The following TSC22D1 variants were observed in gnomAD, a reference collection of about 807,000 sequenced individuals.
TSC22D1 encodes the protein TSC22 domain family member 1, also known as TSC22 domain family protein 1.
In TSC22D1, 9 loss-of-function variants were observed where a neutral mutation model predicts 74.2. The ratio of observed to expected loss-of-function variants is 0.12; its 90% CI spans 0.07 to 0.21. TSC22D1 has a LOEUF of 0.21. Ranked by LOEUF, TSC22D1 falls within the 10% of genes least tolerant of loss-of-function variation. The pLI is 1.00. For missense variants in TSC22D1, 1,427 were observed against 1,304.7 expected (o/e 1.09, Z -1.44); for synonymous variants, 586 against 492.5 (o/e 1.19, Z -2.51).
In TSC22D1 at chr13:44,575,026, C is replaced by A; in HGVS notation, c.1049G>T (p.Ser350Ile). Residue 350 changes from serine (S) to isoleucine (I), a missense_variant, in exon 1 of 3, where the codon AGT (serine) becomes ATT (isoleucine). Ser to Ile is a moderately radical substitution (Grantham distance 142). Coordinates refer to ENST00000458659, the MANE Select transcript of TSC22D1 (RefSeq NM_183422.4). ...TSNIPSAAGV[S>I]VGPGVTSGVN... ...ACCACTGGTAACTCCAGGCCCAACACTCACACCAGCAGCACTAGGAATATT... is the reference window on the plus strand; with the variant it reads ...ACCACTGGTAACTCCAGGCCCAACAATCACACCAGCAGCACTAGGAATATT... 1 of 1,614,146 alleles carries A rather than the reference C, an allele frequency of 6.2e-7. No individual in the cohort carries two copies. The highest frequency in any genetic ancestry group is 8.5e-7 in the Non-Finnish European group (1 of 1,180,026).
At chr13:44,451,809 C>T (rs1286372780) in intron 1 of TSC22D1, among the ~76,000 whole-genome samples, 1 of 152,190 alleles carries the variant, frequency 6.6e-6, no homozygotes, top group Non-Finnish European at 1.5e-5. Context: ...ATAGGGGGCA[C>T]AGCCCCTTAC....
At chr13:44,558,731 C>T (rs1447267585) in intron 1 of TSC22D1, among the ~76,000 whole-genome samples, 1 of 152,126 alleles carries the variant, frequency 6.6e-6, no homozygotes, top group Admixed American at 6.5e-5. Flanking sequence ...CAGAGCAAGA[C>T]TCCATCTCAA....
intron 1 of TSC22D1, among the ~76,000 whole-genome samples, chr13:44,526,089 G>A (rs182800967): frequency 4.3e-4 from 66 of 152,188 alleles, no homozygotes; most frequent in East Asian, 1.9e-4. Flanking sequence ...ATAACAGAGT[G>A]AGACCCTGTC....
In TSC22D1 at chr13:44,574,544, C is replaced by G; in HGVS notation, c.1531G>C (p.Ala511Pro). The G allele has an allele frequency of 1.9e-6, 3 of 1,613,968 alleles. No homozygotes were observed. Among genetic ancestry groups the G allele is most frequent in the South Asian group, 2.2e-5 (2 of 91,086 alleles). ...TGTTGGAGGGTCACACCTTGGAGAG[C>G]TGGTTGTTGCTGTTGTTGTTGTTGT... ...QQQQQQQQQP[A>P]LQGVTLQQMD... Residue 511 changes from alanine (A) to proline (P), a missense_variant, in exon 1 of 3, where the codon GCT becomes CCT. Around this residue, in one of 3 missense-constraint regions of TSC22D1, gnomAD observed 1,343 missense variants for 1,191.5 expected, o/e 1.13. Transcript: ENST00000458659.
At chr13:44,484,882 C>T (rs1878354361) in intron 1 of TSC22D1, among the ~76,000 whole-genome samples, 1 of 152,186 alleles carries the variant, frequency 6.6e-6, no homozygotes, top group African/African-American at 2.4e-5. Context: ...AATACATGAG[C>T]ATCTGTGTTT....
At chr13:44,570,026 A>C (rs1300173702) in intron 1 of TSC22D1, among the ~76,000 whole-genome samples, 2 of 152,174 alleles carry the variant, frequency 1.3e-5, no homozygotes, top group East Asian at 3.8e-4. Flanking sequence ...CTTTAAAGAG[A>C]ACATCTGAGC....
At chr13:44,513,723 T>G (rs1234701852) in intron 1 of TSC22D1, among the ~76,000 whole-genome samples, 1 of 152,168 alleles carries the variant, frequency 6.6e-6, no homozygotes, top group Non-Finnish European at 1.5e-5. Flanking sequence ...CCAACTACAG[T>G]CACCATAAGC....
At chr13:44,484,350 A>G (rs1878331959) in intron 1 of TSC22D1, among the ~76,000 whole-genome samples, 1 of 152,192 alleles carries the variant, frequency 6.6e-6, no homozygotes, top group Admixed American at 6.5e-5. Flanking sequence ...GGCTATGAAG[A>G]ATATACTAAT....
intron 1 of TSC22D1, among the ~76,000 whole-genome samples, chr13:44,540,962 C>T (rs1881433618): frequency 6.6e-6 from 1 of 152,150 alleles, no homozygotes; most frequent in African/African-American, 2.4e-5. Context: ...GCTGCGTATC[C>T]TTGTTCTACG....
chr13:44,528,098 A>G (rs1169833639), intron 1 of TSC22D1, among the ~76,000 whole-genome samples: 1 of 152,088 alleles, frequency 6.6e-6, no homozygotes, highest in African/African-American at 2.4e-5. Flanking sequence ...TATCATAGTT[A>G]AAGACTTAAA....
In TSC22D1 at chr13:44,573,650, C is replaced by G; in HGVS notation, c.2425G>C (p.Val809Leu). ...VPPQPQGVEPVAQGIVSQQLP... is the reference protein window; with the variant it reads ...VPPQPQGVEPLAQGIVSQQLP... ...TGCTGTGAAACAATTCCTTGAGCTA[C>G]TGGTTCTACTCCTTGTGGCTGGGGA... The change falls in exon 1 of 3, where the codon GTA becomes CTA. Residue 809 changes from valine (V) to leucine (L), a missense_variant. Physicochemically the swap from Val to Leu is conservative, Grantham distance 32. Transcript: ENST00000458659. 3 of 1,614,242 alleles carry G rather than the reference C, an allele frequency of 1.9e-6. No individual in the cohort carries two copies. Among genetic ancestry groups the G allele is most frequent in the Non-Finnish European group, 2.5e-6 (3 of 1,180,044 alleles).
chr13:44,476,951 G>A (rs1371800108), intron 1 of TSC22D1, among the ~76,000 whole-genome samples: 7 of 151,964 alleles, frequency 4.6e-5, no homozygotes, highest in African/African-American at 1.7e-4. Flanking sequence ...TTACAGGCAC[G>A]AGTTGCCACA....
intron 1 of TSC22D1, among the ~76,000 whole-genome samples, chr13:44,525,499 G>C (rs1880505393): frequency 6.6e-6 from 1 of 152,164 alleles, no homozygotes; most frequent in South Asian, 2.1e-4. Flanking sequence ...TGAGGCAGGA[G>C]GATCCCTTGA....
chr13:44,454,485 C>T (rs950139659), intron 1 of TSC22D1, among the ~76,000 whole-genome samples: 1 of 152,162 alleles, frequency 6.6e-6, no homozygotes, highest in African/African-American at 2.4e-5. Flanking sequence ...CTCTTATGCT[C>T]CTCCTCATCC....
intron 1 of TSC22D1, among the ~76,000 whole-genome samples, chr13:44,535,744 AC>A (rs1176583919): frequency 6.6e-6 from 1 of 151,982 alleles, no homozygotes; most frequent in Admixed American, 6.5e-5. Flanking sequence ...ATGTTCCTAT[AC>A]CTCAAAAATA....
At chr13:44,508,509 C>T (rs1879541134) in intron 1 of TSC22D1, among the ~76,000 whole-genome samples, 1 of 152,146 alleles carries the variant, frequency 6.6e-6, no homozygotes, top group Non-Finnish European at 1.5e-5. Context: ...ACCTGGATAA[C>T]ATAAATCATG....
At chr13:44,569,027 T>A (rs994034302) in intron 1 of TSC22D1, among the ~76,000 whole-genome samples, 1 of 152,168 alleles carries the variant, frequency 6.6e-6, no homozygotes, top group East Asian at 1.9e-4. Flanking sequence ...AAATCTTCAT[T>A]TTCTATCCAG....
At chr13:44,452,108 GAAC>G (rs1165877769) in intron 1 of TSC22D1, among the ~76,000 whole-genome samples, 2 of 152,108 alleles carry the variant, frequency 1.3e-5, no homozygotes, top group Non-Finnish European at 2.9e-5. Flanking sequence ...GGAGAACTTT[GAAC>G]AAAACACGAT....
In TSC22D1 at chr13:44,576,050, C is replaced by A; in HGVS notation, c.25G>T (p.Ala9Ser). 1 of 1,568,368 alleles carries A rather than the reference C, an allele frequency of 6.4e-7. No homozygotes were observed. ...ATGTCTGCAGCGGCGGCGGCCGCGG[C>A]GGTGGACTCAGGCGGCTGGTGCATT... Reference protein sequence around the residue: MHQPPESTAAAAAAADISA... With the variant: MHQPPESTSAAAAAADISA... Residue 9 changes from alanine (A) to serine (S), a missense_variant, in exon 1 of 3, where the codon GCC (alanine) becomes TCC (serine). Physicochemically the swap from Ala to Ser is moderately conservative, Grantham distance 99. This residue lies in a region of TSC22D1 where 1,343 missense variants were observed against 1,191.5 expected (regional missense o/e 1.13). Coordinates refer to ENST00000458659, the MANE Select transcript of TSC22D1 (RefSeq NM_183422.4).
Sources: gnomAD v4.1 joint callset for allele counts (sites outside exome capture counted in the v4.1 genomes callset) on GRCh38, gnomAD v4.1.1 for gene constraint, gnomAD v4.1.1 regional missense constraint, MANE v1.5 for transcripts, NCBI Gene and HGNC (gene_info 2026-07-23, HGNC 2026-07-21) for gene names.